The following ABCG8 variants were observed in gnomAD, a reference collection of about 807,000 sequenced individuals.
ABCG8 encodes ATP binding cassette subfamily G member 8, also known as ATP-binding cassette sub-family G member 8.
Under a neutral mutation model 71.3 loss-of-function variants are expected in ABCG8, and 81 were observed. That is an observed-to-expected ratio of 1.14 (90% confidence interval 0.95 to 1.37). ABCG8 has a LOEUF of 1.37. Ranked by LOEUF, ABCG8 falls within the 40% of genes most tolerant of loss-of-function variation. The pLI is 0.00. For missense variants in ABCG8, 1,119 were observed against 866.2 expected (o/e 1.29, Z -3.66); for synonymous variants, 451 against 354.7 (o/e 1.27, Z -3.05).
intron 10 of ABCG8, 120 bp from the exon 11 acceptor site, chr2:43,875,026 A>C: frequency 1.4e-6 from 2 of 1,419,254 alleles, no homozygotes; most frequent in Non-Finnish European, 1.9e-6. Context: ...CCCTCCTGCC[A>C]CAGCCTCATC....
chr2:43,849,608 C>G (rs906415745), intron 3 of ABCG8, among the ~76,000 whole-genome samples: 2 of 152,058 alleles, frequency 1.3e-5, no homozygotes, highest in African/African-American at 4.8e-5. Flanking sequence ...CAGGCATCCT[C>G]CATTGGAAGG....
At chr2:43,856,479 T>TTA (rs1669111748) in intron 6 of ABCG8, among the ~76,000 whole-genome samples, 1 of 151,978 alleles carries the variant, frequency 6.6e-6, no homozygotes, top group Admixed American at 6.6e-5. Context: ...GATAGAACTC[T>TTA]CACCATGTGT....
In ABCG8 at chr2:43,879,556, G is replaced by A. The variant is rs781076441; in HGVS notation, c.*1643G>A. On this transcript the variant is annotated 3_prime_UTR_variant, in exon 13 of 13. Transcript: ENST00000272286. ...CTTGCAACACTCAGGATGCTTGCAC[G>A]GTCATGTTGCCACCATCCAACCTGC... 4 of 152,194 alleles carry A rather than the reference G, an allele frequency of 2.6e-5. No homozygotes were observed. The highest frequency in any genetic ancestry group is 2.1e-4 in the South Asian group (1 of 4,830). The allele number at this position is 152,194 out of a possible 1,614,324, so 9.4% of individuals were successfully genotyped here.
intron 11 of ABCG8, 120 bp from the exon 12 acceptor site, chr2:43,877,441 A>T (rs1271115609): frequency 6.5e-7 from 1 of 1,527,516 alleles, no homozygotes; most frequent in Non-Finnish European, 9.0e-7. Flanking sequence ...AGATCATGCA[A>T]ATATGGGCAG....
Position 43,878,033 on chromosome 2 carries a change from A to T in ABCG8, c.*120A>T. 6.8e-7 allele frequency: 1 copy of T among 1,472,318 alleles called. No homozygotes were observed. The highest frequency in any genetic ancestry group is 9.3e-7 in the Non-Finnish European group (1 of 1,073,250). 91.2% of individuals were successfully genotyped at this position (1,472,318 alleles called of 1,614,324 possible). On this transcript the variant is annotated 3_prime_UTR_variant, in exon 13 of 13. Transcript: ENST00000272286. ...AATGACCCTACAGATGCTCAGCTAC[A>T]TCCGGCCCAGGGTGCTGCAGTGGCA...
chr2:43,875,883 C>T (rs990431703), intron 11 of ABCG8, among the ~76,000 whole-genome samples: 1 of 152,106 alleles, frequency 6.6e-6, no homozygotes, highest in Non-Finnish European at 1.5e-5. Context: ...CAGGGTTGCT[C>T]AATCCCTGCG....
chr2:43,839,312 C>G (rs961384774), intron 1 of ABCG8, among the ~76,000 whole-genome samples, 196 bp downstream of exon 1: 1 of 151,202 alleles, frequency 6.6e-6, no homozygotes, highest in Non-Finnish European at 1.5e-5. Context: ...CCTCTGAGGT[C>G]ACTTCCTGCC....
At chr2:43,872,169 C>T in intron 7 of ABCG8, 31 bp downstream of exon 7, 1 of 1,614,038 alleles carries the variant, frequency 6.2e-7, no homozygotes, top group Non-Finnish European at 8.5e-7. Context: ...GAGAGGAGAG[C>T]TCCCTGCAGA....
At chr2:43,854,626 C>CAAAAAAAAAAAAA (rs759609173) in intron 6 of ABCG8, among the ~76,000 whole-genome samples, 1 of 74,740 alleles carries the variant, frequency 1.3e-5, no homozygotes, top group African/African-American at 5.4e-5. Flanking sequence ...GACTCCATCT[C>CAAAAAAAAAAAAA]AAAAAAAAAA....
In ABCG8 at chr2:43,877,658, G is replaced by T; in HGVS notation, c.1854G>T (p.Gly618=). The change falls in exon 12 of 13, where the codon GGG becomes GGT. Residue 618 remains glycine, a synonymous_variant. Coordinates refer to ENST00000272286, the MANE Select transcript of ABCG8 (RefSeq NM_022437.3). Reference sequence around the variant, plus strand: ...GAAGAACTTATAAAATGCCTCTCGGGAACCTCACCATCGCGGTCTCAGGAG... The same window carrying T: ...GAAGAACTTATAAAATGCCTCTCGGTAACCTCACCATCGCGGTCTCAGGAG... ...FSRRTYKMPL[G]NLTIAVSGDK... The T allele has an allele frequency of 6.2e-7, 1 of 1,614,070 alleles. No homozygotes were observed. The highest frequency in any genetic ancestry group is 8.5e-7 in the Non-Finnish European group (1 of 1,180,006).
At chr2:43,869,988 A>G (rs1390771536) in intron 6 of ABCG8, among the ~76,000 whole-genome samples, 1 of 147,858 alleles carries the variant, frequency 6.8e-6, no homozygotes, top group Non-Finnish European at 1.5e-5. Flanking sequence ...GAACTGTGAC[A>G]ATCTATCTGG....
intron 11 of ABCG8, among the ~76,000 whole-genome samples, chr2:43,875,989 T>C (rs547204408): frequency 6.6e-6 from 1 of 152,276 alleles, no homozygotes; most frequent in South Asian, 2.1e-4. Flanking sequence ...CCGCCTTCCA[T>C]GGGGCATCTC....
intron 2 of ABCG8, 79 bp from the exon 3 acceptor site, chr2:43,846,076 A>T (rs1191692009): frequency 5.3e-6 from 8 of 1,519,900 alleles, no homozygotes; most frequent in Non-Finnish European, 5.5e-6. Flanking sequence ...CACCTGGGGA[A>T]CGAAGATGCT....
intron 6 of ABCG8, among the ~76,000 whole-genome samples, chr2:43,865,267 C>G (rs4245792): frequency 0.57 from 82,749 of 145,536 alleles, 24,203 homozygotes; most frequent in East Asian, 0.88. Context: ...TCATCATCTG[C>G]TTAGAGCTCT....
In ABCG8 at chr2:43,874,278, T is replaced by TTA. The variant is rs371623171; in HGVS notation, c.1412-129_1412-128insTA. 1.1e-5 allele frequency: 8 copies of TTA among 735,660 alleles called. No homozygotes were observed. In the African/African-American group the frequency reaches 1.4e-4, roughly 13 times the overall value. 45.6% of individuals were successfully genotyped at this position (735,660 alleles called of 1,614,324 possible). On this transcript the variant is annotated intron_variant, in intron 9 of 12. Coordinates refer to ENST00000272286, the MANE Select transcript of ABCG8 (RefSeq NM_022437.3). ...TTAGGATGGCTTTACTGTGCCTATT[T>TTA]AAAAAAAAAAATTAGAGACTTGGGC...
intron 6 of ABCG8, among the ~76,000 whole-genome samples, chr2:43,864,753 C>T (rs560170311): frequency 6.7e-6 from 1 of 149,934 alleles, no homozygotes; most frequent in African/African-American, 2.4e-5. Flanking sequence ...GAATTCTCAC[C>T]GTCTGCATGG....
rs1670128478 is a variant in ABCG8, at chr2:43,881,431, C to T, written c.*3518C>T. The T allele has an allele frequency of 6.6e-6, 1 of 152,304 alleles. No individual in the cohort carries two copies. Among genetic ancestry groups the T allele is most frequent in the African/African-American group, 2.4e-5 (1 of 41,406 alleles). 9.4% of individuals were successfully genotyped at this position (152,304 alleles called of 1,614,324 possible). A position where few individuals can be genotyped will look rare whatever the true frequency, so the allele number is the denominator to read the frequency against. On this transcript the variant is annotated 3_prime_UTR_variant, in exon 13 of 13. Transcript: ENST00000272286. ...AGGAAAACAAAGAACCAAGGCTCTC[C>T]CGGGTGCGGTGGCTCACGCCTGTAA... is the stretch of plus-strand genomic sequence containing the variant.
At chr2:43,840,844 A>G (rs1251454238) in intron 1 of ABCG8, among the ~76,000 whole-genome samples, 1 of 152,104 alleles carries the variant, frequency 6.6e-6, no homozygotes, top group Non-Finnish European at 1.5e-5. Flanking sequence ...GCCTACCTGC[A>G]TTGCAGCCCT....
At chr2:43,865,819 A>G (rs1286894410) in intron 6 of ABCG8, among the ~76,000 whole-genome samples, 1 of 141,042 alleles carries the variant, frequency 7.1e-6, no homozygotes, top group African/African-American at 2.7e-5. Flanking sequence ...CTATCTGTCT[A>G]GATAGATCTC....
Sources: gnomAD v4.1 joint callset for allele counts (sites outside exome capture counted in the v4.1 genomes callset) on GRCh38, gnomAD v4.1.1 for gene constraint, MANE v1.5 for transcripts, NCBI Gene and HGNC (gene_info 2026-07-23, HGNC 2026-07-21) for gene names.